The following SYNGR1 variants were observed in gnomAD, a reference collection of about 807,000 sequenced individuals.
SYNGR1 encodes synaptogyrin 1.
Under a neutral mutation model 26.1 loss-of-function variants are expected in SYNGR1, and 14 were observed. That is an observed-to-expected ratio of 0.54 (90% CI 0.35 to 0.84). The LOEUF is 0.84. Among genes scored for constraint, SYNGR1 ranks in the 40% least tolerant of loss-of-function variants. The pLI, the probability that SYNGR1 is intolerant of heterozygous loss-of-function variation, is 0.01. For missense variants in SYNGR1, 319 were observed against 332.9 expected (o/e 0.96, Z 0.33); for synonymous variants, 141 against 150.1 (o/e 0.94, Z 0.44).
At chr22:39,352,275 G>A (rs751431985) in intron 1 of SYNGR1, among the ~76,000 whole-genome samples, 13 of 152,176 alleles carry the variant, frequency 8.5e-5, no homozygotes, top group Non-Finnish European at 1.6e-4. Context: ...GATACAAGGC[G>A]CTCACTACCT....
intron 1 of SYNGR1, among the ~76,000 whole-genome samples, chr22:39,362,445 C>T (rs1233160978): frequency 6.6e-6 from 1 of 152,118 alleles, no homozygotes; most frequent in Non-Finnish European, 1.5e-5. Context: ...GGAGCCTCAC[C>T]TGCCCCACCC....
chr22:39,358,693 T>C (rs576809263), intron 1 of SYNGR1, among the ~76,000 whole-genome samples: 1 of 151,994 alleles, frequency 6.6e-6, no homozygotes, highest in Admixed American at 6.5e-5. Flanking sequence ...AGGAACGAAC[T>C]CCAGACGCAC....
At chr22:39,367,060 C>A (rs995981989) in intron 1 of SYNGR1, among the ~76,000 whole-genome samples, 1 of 152,254 alleles carries the variant, frequency 6.6e-6, no homozygotes, top group Non-Finnish European at 1.5e-5. Flanking sequence ...CTGAGTCAGA[C>A]TTCTGCTCAA....
At chr22:39,361,356 C>CT (rs71326762) in intron 1 of SYNGR1, among the ~76,000 whole-genome samples, 34,169 of 122,298 alleles carry the variant, frequency 0.28, 5,563 homozygotes, top group African/African-American at 0.39. Context: ...TAACCCTGCC[C>CT]TTTTTTTTTT....
At chr22:39,378,186 G>A in intron 3 of SYNGR1, 1 of 1,105,868 alleles carries the variant, frequency 9.0e-7, no homozygotes, top group Non-Finnish European at 1.1e-6. Context: ...ATGTCACAGG[G>A]CTCCTGGTCT....
chr22:39,384,765 A>G lies in SYNGR1; in HGVS notation c.*2851A>G, dbSNP rs1160006980. ...GGCTCCCTCCTCCCCATCAAGCACA[A>G]GAGAGGGCCCAGGAAAAAAGGTTTC... On this transcript the variant is annotated 3_prime_UTR_variant, in exon 4 of 4. Coordinates refer to ENST00000328933, the MANE Select transcript of SYNGR1 (RefSeq NM_004711.5). 2 of 398,948 alleles carry G rather than the reference A, an allele frequency of 5.0e-6. No homozygotes were observed. The highest frequency in any genetic ancestry group is 2.1e-5 in the African/African-American group (1 of 48,590). The allele number at this position is 398,948 out of a possible 1,614,324, so 24.7% of individuals were successfully genotyped here.
Position 39,385,245 on chromosome 22 carries a change from C to T in SYNGR1, c.*3331C>T, listed in dbSNP as rs904799750. The T allele has an allele frequency of 8.1e-6, 3 of 371,370 alleles. No homozygotes were observed. The highest frequency in any genetic ancestry group is 2.9e-4 in the South Asian group (2 of 6,780). The allele number at this position is 371,370 out of a possible 1,614,324, so 23.0% of individuals were successfully genotyped here. ...GCGATGCACTTGACCTGACACTCCCCATGTCCTGGTGCGCACAGCCCTTGT... is the reference window on the plus strand; with the variant it reads ...GCGATGCACTTGACCTGACACTCCCTATGTCCTGGTGCGCACAGCCCTTGT... On this transcript the variant is annotated 3_prime_UTR_variant, in exon 4 of 4. Coordinates refer to ENST00000328933, the MANE Select transcript of SYNGR1 (RefSeq NM_004711.5).
intron 1 of SYNGR1, chr22:39,364,146 T>G: frequency 6.2e-7 from 1 of 1,611,178 alleles, no homozygotes. Flanking sequence ...TGTGCCCTTT[T>G]GCACTGCGGG....
At chr22:39,376,458 G>A (rs1184273958) in intron 3 of SYNGR1, among the ~76,000 whole-genome samples, 1 of 71,152 alleles carries the variant, frequency 1.4e-5, no homozygotes, top group Non-Finnish European at 2.5e-5. Context: ...TGGGGGTCAC[G>A]GACCACCCCC....
chr22:39,366,982 C>T (rs11912071), intron 1 of SYNGR1, among the ~76,000 whole-genome samples: 7,926 of 152,242 alleles, frequency 0.052, 685 homozygotes, highest in African/African-American at 0.18. Context: ...CTCCTGAACA[C>T]ACACAGCTTC....
At chr22:39,374,868 C>G in intron 2 of SYNGR1, 1 of 443,050 alleles carries the variant, frequency 2.3e-6, no homozygotes, top group Non-Finnish European at 4.2e-6. Flanking sequence ...TTTCAGTGGC[C>G]TCTTCTGTGC....
Position 39,384,520 on chromosome 22 carries a change from A to G in SYNGR1, c.*2606A>G, listed in dbSNP as rs1214156410. 1 of 398,630 alleles carries G rather than the reference A, an allele frequency of 2.5e-6. No individual in the cohort carries two copies. Among genetic ancestry groups the G allele is most frequent in the African/African-American group, 2.1e-5 (1 of 48,574 alleles). 24.7% of individuals were successfully genotyped at this position (398,630 alleles called of 1,614,324 possible). A position where few individuals can be genotyped will look rare whatever the true frequency, so the allele number is the denominator to read the frequency against. On this transcript the variant is annotated 3_prime_UTR_variant, in exon 4 of 4. Coordinates refer to ENST00000328933, the MANE Select transcript of SYNGR1 (RefSeq NM_004711.5). ...GGATGGAGATGAGAGAGGGTGAGAG[A>G]TGGAGGGCGAGATTTGGATGGGACC...
At chr22:39,376,250 C>A in intron 3 of SYNGR1, 53 bp downstream of exon 3, 1 of 1,613,228 alleles carries the variant, frequency 6.2e-7, no homozygotes, top group Non-Finnish European at 8.5e-7. Flanking sequence ...CCCCACTGAG[C>A]CCCTGGATGG....
At position 39,375,594 on chromosome 22, in the gene SYNGR1, A is replaced by G. The variant is rs1601665197; in HGVS notation, c.338-458A>G. 5 of 380,040 alleles carry G rather than the reference A, an allele frequency of 1.3e-5. No homozygotes were observed. In the East Asian group the frequency reaches 2.3e-4, roughly 17 times the overall value. 23.5% of individuals were successfully genotyped at this position (380,040 alleles called of 1,614,324 possible). On this transcript the variant is annotated intron_variant, in intron 2 of 3. Coordinates refer to ENST00000328933, the MANE Select transcript of SYNGR1 (RefSeq NM_004711.5). ...GCCCCAGCCTCGTCCTCCTTCCCATACCTCATTTGTCTGGCAGCCTGAGGG... is the reference window on the plus strand; with the variant it reads ...GCCCCAGCCTCGTCCTCCTTCCCATGCCTCATTTGTCTGGCAGCCTGAGGG...
intron 1 of SYNGR1, among the ~76,000 whole-genome samples, chr22:39,356,463 C>G (rs142242031): frequency 1.3e-5 from 2 of 152,180 alleles, no homozygotes; most frequent in Non-Finnish European, 2.9e-5. Context: ...TCACTGGGAT[C>G]GGAACCCATG....
intron 1 of SYNGR1, chr22:39,364,177 G>T (rs1249606670): frequency 6.2e-7 from 1 of 1,612,466 alleles, no homozygotes; most frequent in South Asian, 1.1e-5. Context: ...GGACCAGCAG[G>T]CATGCCTCCT....
At chr22:39,372,438 C>CTTTTTTTTTTTT (rs767314185) in intron 1 of SYNGR1, among the ~76,000 whole-genome samples, 1 of 54,650 alleles carries the variant, frequency 1.8e-5, no homozygotes, top group African/African-American at 9.4e-5. Context: ...ACGCCCAGCT[C>CTTTTTTTTTTTT]TTTTTTTTTT....
chr22:39,360,379 C>T (rs1924414418), intron 1 of SYNGR1, among the ~76,000 whole-genome samples: 1 of 152,190 alleles, frequency 6.6e-6, no homozygotes, highest in South Asian at 2.1e-4. Flanking sequence ...TCCAGGGTTT[C>T]TTCTGCGGTC....
Position 39,350,033 on chromosome 22 carries a change from C to T in SYNGR1, c.23C>T (p.Ala8Val). 4 of 1,393,376 alleles carry T rather than the reference C, an allele frequency of 2.9e-6. No individual in the cohort carries two copies. Among genetic ancestry groups the T allele is most frequent in the Non-Finnish European group, 2.8e-6 (3 of 1,054,848 alleles). The allele number at this position is 1,393,376 out of a possible 1,614,324, so 86.3% of individuals were successfully genotyped here. A position where few individuals can be genotyped will look rare whatever the true frequency, so the allele number is the denominator to read the frequency against. The change falls in exon 1 of 4, where the codon GCG becomes GTG. Residue 8 changes from alanine (A) to valine (V), a missense_variant. By Grantham distance (64) the Ala-to-Val change is moderately conservative. Transcript: ENST00000328933. This position sits in a 1 kb window ranked among gnomAD's most constrained non-coding sequence, Gnocchi z 4.3. MEGGAYG[A>V]GKAGGAFDPY... ...ACGATGGAAGGGGGTGCGTACGGAGCGGGCAAAGCCGGGGGCGCCTTCGAC... is the reference window on the plus strand; with the variant it reads ...ACGATGGAAGGGGGTGCGTACGGAGTGGGCAAAGCCGGGGGCGCCTTCGAC...
Sources: allele counts gnomAD v4.1 joint callset (sites outside exome capture counted in the v4.1 genomes callset), GRCh38; gene constraint gnomAD v4.1.1; non-coding constraint Gnocchi (gnomAD v3.1); transcripts MANE v1.5; gene names NCBI Gene and HGNC (gene_info 2026-07-23, HGNC 2026-07-21).